The following DGUOK variants were observed in gnomAD, a reference collection of about 807,000 sequenced individuals.
DGUOK encodes deoxyguanosine kinase, mitochondrial.
DGUOK carries 30 observed loss-of-function variants against 36.6 expected under a neutral mutation model. That is an observed-to-expected ratio of 0.82 (90% CI 0.61 to 1.11). DGUOK has a LOEUF of 1.11. Among genes scored for constraint, DGUOK ranks in the 50% most tolerant of loss-of-function variants. The probability of loss-of-function intolerance (pLI) is 0.00; values close to 1 mark genes in which losing one functional copy is unlikely to be tolerated. For synonymous variants in DGUOK, 145 were observed against 126.3 expected, an observed-to-expected ratio of 1.15 and a Z score of -0.99; for missense variants, 361 against 336.4, an observed-to-expected ratio of 1.07 and a Z score of -0.57.
intron 2 of DGUOK, among the ~76,000 whole-genome samples, 163 bp from the exon 3 acceptor site, chr2:73,946,556 G>C (rs866721599): frequency 6.6e-6 from 1 of 152,168 alleles, no homozygotes; most frequent in African/African-American, 2.4e-5. Context: ...TGACTAAGCT[G>C]GGGATCTGAT....
chr2:73,946,961 T>G lies in DGUOK; in HGVS notation c.443+55T>G, dbSNP rs1682384340. On this transcript the variant is annotated intron_variant, in intron 3 of 6. Coordinates refer to ENST00000264093, the MANE Select transcript of DGUOK (RefSeq NM_080916.3). ...AGCCCCATGCTCAGTGCTGCCTGTTTGATCTTGCACAGATCCTGCACTGCT... is the reference window on the plus strand; with the variant it reads ...AGCCCCATGCTCAGTGCTGCCTGTTGGATCTTGCACAGATCCTGCACTGCT... 4.0e-6 allele frequency: 6 copies of G among 1,493,234 alleles called. No homozygotes were observed. In the Admixed American group the frequency reaches 7.4e-5, roughly 18 times the overall value. 92.5% of individuals were successfully genotyped at this position (1,493,234 alleles called of 1,614,324 possible). A position where few individuals can be genotyped will look rare whatever the true frequency, so the allele number is the denominator to read the frequency against.
chr2:73,956,633 A>G (rs1683114856), intron 4 of DGUOK, among the ~76,000 whole-genome samples: 2 of 152,164 alleles, frequency 1.3e-5, no homozygotes, highest in Admixed American at 1.3e-4. Context: ...GAAGGCAGGA[A>G]TTTACTCCTG....
intron 1 of DGUOK, among the ~76,000 whole-genome samples, chr2:73,937,718 T>G (rs1681573886): frequency 6.6e-6 from 1 of 152,110 alleles, no homozygotes; most frequent in Non-Finnish European, 1.5e-5. Context: ...GTCTGGAGAG[T>G]TCTTGAATAG....
chr2:73,951,621 C>T (rs775120018), intron 4 of DGUOK, among the ~76,000 whole-genome samples: 2 of 152,058 alleles, frequency 1.3e-5, no homozygotes, highest in Non-Finnish European at 2.9e-5. Context: ...AGAAAGGAGC[C>T]GAGAACAGAC....
chr2:73,938,322 T>G (rs1326824923), intron 1 of DGUOK, among the ~76,000 whole-genome samples: 2 of 152,206 alleles, frequency 1.3e-5, no homozygotes, highest in African/African-American at 4.8e-5. Flanking sequence ...CCATCCTGCA[T>G]TTTTTCCTAG....
intron 2 of DGUOK, among the ~76,000 whole-genome samples, chr2:73,940,678 TAAC>T (rs1393804893): frequency 6.6e-6 from 1 of 152,228 alleles, no homozygotes; most frequent in African/African-American, 2.4e-5. Context: ...CATAAGATTA[TAAC>T]AACATATTTT....
chr2:73,932,662 C>G, intron 1 of DGUOK: 1 of 1,291,358 alleles, frequency 7.7e-7, no homozygotes, highest in Non-Finnish European at 1.0e-6. Context: ...GGAAGGTGAA[C>G]CCCTGTCCTG....
chr2:73,946,582 G>A (rs1682321235), intron 2 of DGUOK, 137 bp from the exon 3 acceptor site: 1 of 817,764 alleles, frequency 1.2e-6, no homozygotes, highest in Admixed American at 2.2e-5. Context: ...CTTTTTGGTG[G>A]AAGGAAACTT....
chr2:73,954,547 C>A (rs972730475), intron 4 of DGUOK, among the ~76,000 whole-genome samples: 3 of 151,920 alleles, frequency 2.0e-5, no homozygotes. Flanking sequence ...AATTTTAAAA[C>A]TCAAAAGAGA....
chr2:73,949,410 C>T (rs2104956916), intron 3 of DGUOK, among the ~76,000 whole-genome samples: 1 of 152,326 alleles, frequency 6.6e-6, no homozygotes, highest in Non-Finnish European at 1.5e-5. Flanking sequence ...AAGTTAGCTT[C>T]TTCATAGCCT....
chr2:73,936,076 G>A (rs1274307803), intron 1 of DGUOK, among the ~76,000 whole-genome samples: 2 of 152,110 alleles, frequency 1.3e-5, no homozygotes, highest in Non-Finnish European at 2.9e-5. Flanking sequence ...AATCAGCTAC[G>A]TTTATCTTTT....
rs1452539538 is a variant in DGUOK, at chr2:73,926,905, G to GGTGGGATGGCC, written c.-4_7dup. ...GGAAGTGATCGCTGTGTGAATCGTG[G>GGTGGGATGGCC]GTGGGATGGCCGCGGGCCGCCTCTT... is the stretch of plus-strand genomic sequence containing the variant. On this transcript the variant is annotated 5_prime_UTR_variant, in exon 1 of 7. In the 5' UTR this introduces an upstream ATG that the reference lacks. Coordinates refer to ENST00000264093, the MANE Select transcript of DGUOK (RefSeq NM_080916.3). 1.2e-6 allele frequency: 2 copies of GGTGGGATGGCC among 1,613,300 alleles called. No homozygotes were observed. The highest frequency in any genetic ancestry group is 1.7e-6 in the Non-Finnish European group (2 of 1,180,044).
rs369336995 is a variant in DGUOK at position 73,952,848 on chromosome 2, A to C, written c.591+2116A>C. Among the ~76,000 whole-genome samples, 17 of 152,210 alleles carry C rather than the reference A, an allele frequency of 1.1e-4. No homozygotes were observed. The East Asian group carries it at 3.1e-3, about 28-fold the overall frequency. ...TCTTAATTGCTTTTCTTCTTTGTGC[A>C]CTCTGAATGACCTTATAACAGAATG... On this transcript the variant is annotated intron_variant, in intron 4 of 6. Coordinates refer to ENST00000264093, the MANE Select transcript of DGUOK (RefSeq NM_080916.3).
Position 73,958,829 on chromosome 2 carries a change from C to A in DGUOK, c.*93C>A. 9.7e-7 allele frequency: 1 copy of A among 1,027,818 alleles called. No individual in the cohort carries two copies. Among genetic ancestry groups the A allele is most frequent in the Non-Finnish European group, 1.5e-6 (1 of 645,450 alleles). The allele number at this position is 1,027,818 out of a possible 1,614,324, so 63.7% of individuals were successfully genotyped here. On this transcript the variant is annotated 3_prime_UTR_variant, in exon 7 of 7. Coordinates refer to ENST00000264093, the MANE Select transcript of DGUOK (RefSeq NM_080916.3). ...CTCCCAACCACCTTTCCATCCCCAG[C>A]CCCTCTCATCCCTGGAGCACTCTGC... is the stretch of plus-strand genomic sequence containing the variant.
chr2:73,942,870 C>T (rs995619617), intron 2 of DGUOK, among the ~76,000 whole-genome samples: 1 of 152,180 alleles, frequency 6.6e-6, no homozygotes, highest in African/African-American at 2.4e-5. Context: ...CCTTTTGTTA[C>T]TAGAATAGTA....
chr2:73,932,822 A>T, intron 1 of DGUOK: 4 of 349,364 alleles, frequency 1.1e-5, no homozygotes, highest in South Asian at 9.9e-5. Context: ...TTACGAAGCC[A>T]TATAAGATGT....
At chr2:73,931,662 A>G (rs551456797) in intron 1 of DGUOK, among the ~76,000 whole-genome samples, 2 of 152,328 alleles carry the variant, frequency 1.3e-5, no homozygotes, top group Non-Finnish European at 2.9e-5. Context: ...ATTGTGTAGG[A>G]TGAGAAAGAA....
chr2:73,927,121 CTG>C, intron 1 of DGUOK, 69 bp downstream of exon 1: 1 of 1,595,150 alleles, frequency 6.3e-7, no homozygotes, highest in Non-Finnish European at 8.5e-7. Context: ...GGGAAAGGAG[CTG>C]GGCCCGGAAT....
intron 3 of DGUOK, chr2:73,947,745 A>T (rs1197707008): frequency 1.3e-5 from 2 of 152,282 alleles, no homozygotes; most frequent in African/African-American, 2.4e-5. Flanking sequence ...TTCTTATCTG[A>T]AGCCTATGAA....
Sources: gnomAD v4.1 joint callset for allele counts (sites outside exome capture counted in the v4.1 genomes callset) on GRCh38, gnomAD v4.1.1 for gene constraint, MANE v1.5 for transcripts, NCBI Gene and HGNC (gene_info 2026-07-23, HGNC 2026-07-21) for gene names.